The following CSMD1 variants were observed in gnomAD, a reference collection of about 807,000 sequenced individuals.
The protein encoded by CSMD1 is CUB and sushi domain-containing protein 1.
Under a neutral mutation model 417.5 loss-of-function variants are expected in CSMD1, and 213 were observed. The observed-to-expected ratio is 0.51, with a 90% CI of 0.46 to 0.57. The LOEUF (loss-of-function observed/expected upper bound fraction) is 0.57. Among genes scored for constraint, CSMD1 ranks in the 20% least tolerant of loss-of-function variants. The pLI is 0.00. For synonymous variants in CSMD1, 2,862 were observed against 1,736.8 expected (o/e 1.65, Z -16.11); for missense variants, 6,923 against 4,529.7 (o/e 1.53, Z -15.17).
chr8:4,111,038 A>T (rs535317889), intron 3 of CSMD1, among the ~76,000 whole-genome samples: 2 of 152,176 alleles, frequency 1.3e-5, no homozygotes, highest in African/African-American at 4.8e-5. Flanking sequence ...GCGAAAGGAA[A>T]TAACTTAATA....
chr8:3,457,611 T>G (rs1222992564), intron 12 of CSMD1, among the ~76,000 whole-genome samples: 1 of 152,196 alleles, frequency 6.6e-6, no homozygotes, highest in Non-Finnish European at 1.5e-5. Flanking sequence ...AATAGTCCCA[T>G]CTATAACTTT....
intron 25 of CSMD1, among the ~76,000 whole-genome samples, chr8:3,293,445 T>C (rs886322294): frequency 1.3e-5 from 2 of 152,238 alleles, no homozygotes; most frequent in Non-Finnish European, 1.5e-5. Flanking sequence ...CCATTCTCCC[T>C]GTCACTTTTA....
intron 8 of CSMD1, among the ~76,000 whole-genome samples, chr8:3,608,506 G>C (rs1437242073): frequency 2.0e-5 from 3 of 152,128 alleles, no homozygotes; most frequent in Non-Finnish European, 4.4e-5. Context: ...GCTCACGCCT[G>C]TAATCCCAGC....
At chr8:4,990,757 G>A (rs1811418740) in intron 1 of CSMD1, among the ~76,000 whole-genome samples, 1 of 152,040 alleles carries the variant, frequency 6.6e-6, no homozygotes. Flanking sequence ...ATTGGGTGCG[G>A]CTCTGCCATA....
chr8:3,184,135 C>G (rs1821603737), intron 36 of CSMD1, among the ~76,000 whole-genome samples: 1 of 152,124 alleles, frequency 6.6e-6, no homozygotes, highest in South Asian at 2.1e-4. Context: ...ACTTGTTTTT[C>G]AGAATCATTT....
chr8:3,882,023 A>G (rs554669785), intron 5 of CSMD1, among the ~76,000 whole-genome samples: 5 of 152,344 alleles, frequency 3.3e-5, no homozygotes, highest in Admixed American at 3.3e-4. Flanking sequence ...TGATGATGCA[A>G]CTATTTTTAA....
Position 4,487,591 on chromosome 8 carries a change from G to A in CSMD1, c.303-67526C>T, listed in dbSNP as rs111803298. 3.1e-3 allele frequency among the ~76,000 whole-genome samples: 469 copies of A among 152,274 alleles called. 1 individual carries two copies. Among genetic ancestry groups the A allele is most frequent in the African/African-American group, 0.011 (442 of 41,542 alleles). ...TGTTGGACATTTGGGTTGGTTCCAAGTCTTTGCTATTGTGAAGTTTCAAAA... is the reference window on the plus strand; with the variant it reads ...TGTTGGACATTTGGGTTGGTTCCAAATCTTTGCTATTGTGAAGTTTCAAAA... On this transcript the variant is annotated intron_variant, in intron 2 of 69. Coordinates refer to ENST00000635120, the MANE Select transcript of CSMD1 (RefSeq NM_033225.6).
intron 3 of CSMD1, among the ~76,000 whole-genome samples, chr8:4,336,304 C>T (rs1048248850): frequency 4.6e-5 from 7 of 152,236 alleles, no homozygotes; most frequent in South Asian, 2.1e-4. Context: ...TTTAATGCCA[C>T]GTAGCCTCTG....
At chr8:3,427,149 T>C (rs758700170) in intron 12 of CSMD1, among the ~76,000 whole-genome samples, 2 of 152,152 alleles carry the variant, frequency 1.3e-5, no homozygotes, top group Admixed American at 6.5e-5. Context: ...ATGGGGATCA[T>C]AGGGACTAAA....
chr8:3,063,745 G>A (rs1051842485), intron 49 of CSMD1, among the ~76,000 whole-genome samples: 1 of 152,148 alleles, frequency 6.6e-6, no homozygotes, highest in Non-Finnish European at 1.5e-5. Flanking sequence ...AATACTATGT[G>A]ATTCTACTTA....
intron 1 of CSMD1, among the ~76,000 whole-genome samples, chr8:4,853,962 C>T (rs1395455244): frequency 6.6e-6 from 1 of 152,048 alleles, no homozygotes; most frequent in Non-Finnish European, 1.5e-5. Flanking sequence ...TTCTTTTGGC[C>T]ATTTTTTTTC....
chr8:3,764,908 G>C (rs989166928), intron 5 of CSMD1, among the ~76,000 whole-genome samples: 2 of 151,948 alleles, frequency 1.3e-5, no homozygotes, highest in African/African-American at 4.8e-5. Context: ...ACCACACCCA[G>C]CTCATTTTCG....
intron 1 of CSMD1, among the ~76,000 whole-genome samples, chr8:4,762,055 A>T (rs1360959322): frequency 1.3e-5 from 2 of 152,028 alleles, no homozygotes; most frequent in Non-Finnish European, 2.9e-5. Flanking sequence ...ATTAAGACCA[A>T]ATAAGTCTCA....
In CSMD1 at chr8:4,187,142, T is replaced by C. The variant is rs1004276807; in HGVS notation, c.416-155043A>G. Among the ~76,000 whole-genome samples the C allele has an allele frequency of 0.017, 88 of 5,292 alleles. No homozygotes were observed. The East Asian group carries it at 0.39, about 24-fold the overall frequency. The allele number at this position is 5,292 out of a possible 152,430, so 3.5% of individuals were successfully genotyped here. A position where few individuals can be genotyped will look rare whatever the true frequency, so the allele number is the denominator to read the frequency against. On this transcript the variant is annotated intron_variant, in intron 3 of 69. Transcript: ENST00000635120. ...CAAGTCTCCACTCTGTTAAAACATATTGATTTACTGCTTGTAGTATTAAAA... is the reference window on the plus strand; with the variant it reads ...CAAGTCTCCACTCTGTTAAAACATACTGATTTACTGCTTGTAGTATTAAAA...
intron 2 of CSMD1, among the ~76,000 whole-genome samples, chr8:4,499,415 G>A (rs1056191771): frequency 1.3e-5 from 2 of 152,152 alleles, no homozygotes; most frequent in Admixed American, 1.3e-4. Context: ...ACTTTATTGA[G>A]GCATGCACAC....
intron 3 of CSMD1, among the ~76,000 whole-genome samples, chr8:4,037,799 T>A (rs1296612798): frequency 6.6e-6 from 1 of 152,120 alleles, no homozygotes; most frequent in African/African-American, 2.4e-5. Flanking sequence ...CATTCCAGGT[T>A]GGAATTGAAT....
intron 10 of CSMD1, among the ~76,000 whole-genome samples, chr8:3,561,756 A>G (rs979545333): frequency 6.6e-6 from 1 of 152,166 alleles, no homozygotes; most frequent in Non-Finnish European, 1.5e-5. Flanking sequence ...CTGGACATAT[A>G]CCCGCTTTAA....
At chr8:4,805,547 C>A (rs951962237) in intron 1 of CSMD1, among the ~76,000 whole-genome samples, 9 of 152,180 alleles carry the variant, frequency 5.9e-5, no homozygotes, top group Non-Finnish European at 1.0e-4. Context: ...ACTTAACCTT[C>A]CCCTCTCACT....
chr8:3,596,155 G>T (rs554407759), intron 8 of CSMD1, among the ~76,000 whole-genome samples: 42 of 152,318 alleles, frequency 2.8e-4, no homozygotes, highest in Non-Finnish European at 5.1e-4. Flanking sequence ...AGTGAGGAGT[G>T]TCGGAGGCAG....
Sources: allele counts gnomAD v4.1 joint callset (sites outside exome capture counted in the v4.1 genomes callset), GRCh38; gene constraint gnomAD v4.1.1; transcripts MANE v1.5; gene names NCBI Gene and HGNC (gene_info 2026-07-23, HGNC 2026-07-21).